Variants in NPSR1 observed in about 807,000 individuals in gnomAD.
NPSR1 encodes neuropeptide S receptor.
A neutral mutation model predicts 46.9 loss-of-function variants in NPSR1; 48 were observed. That is an observed-to-expected ratio of 1.02 (90% confidence interval 0.81 to 1.30). NPSR1 has a LOEUF of 1.30. NPSR1 is among the 50% of genes most tolerant of loss of function. The pLI is 0.00. For missense variants in NPSR1, 450 were observed against 449.5 expected, an observed-to-expected ratio of 1.00 and a Z score of -0.01; for synonymous variants, 176 against 168.1, an observed-to-expected ratio of 1.05 and a Z score of -0.36.
chr7:34,805,799 T>C (rs1332494902), intron 3 of NPSR1, among the ~76,000 whole-genome samples: 1 of 151,940 alleles, frequency 6.6e-6, no homozygotes, highest in Non-Finnish European at 1.5e-5. Flanking sequence ...TCATAAAGGA[T>C]TTGTATCCAA....
At chr7:34,735,325 C>T (rs1322493450) in intron 2 of NPSR1, among the ~76,000 whole-genome samples, 1 of 152,140 alleles carries the variant, frequency 6.6e-6, no homozygotes, top group African/African-American at 2.4e-5. Context: ...CAGAGATGAC[C>T]ATGCTGGAGA....
chr7:34,828,308 G>T (rs755742243), intron 5 of NPSR1, among the ~76,000 whole-genome samples: 2 of 152,234 alleles, frequency 1.3e-5, no homozygotes, highest in Non-Finnish European at 2.9e-5. Context: ...ACAGAAGTTG[G>T]CAGTGAGCTC....
chr7:34,750,973 C>T lies in NPSR1; in HGVS notation c.281-27489C>T, dbSNP rs1785491024. ...ATATCTGGAAGGAGACTATAGATTG[C>T]ATTGCCCTTGTGGAAGAGCTCATTG... On this transcript the variant is annotated intron_variant, in intron 2 of 8. Transcript: ENST00000360581. 3.9e-6 allele frequency: 3 copies of T among 765,836 alleles called. No individual in the cohort carries two copies. The South Asian group carries it at 4.0e-5, about 10-fold the overall frequency. The allele number at this position is 765,836 out of a possible 1,614,324, so 47.4% of individuals were successfully genotyped here.
At chr7:34,876,086 G>A (rs1791567692) in intron 8 of NPSR1, among the ~76,000 whole-genome samples, 1 of 152,198 alleles carries the variant, frequency 6.6e-6, no homozygotes, top group African/African-American at 2.4e-5. Context: ...AGATGAAGGG[G>A]CAAAAGACAG....
intron 2 of NPSR1, among the ~76,000 whole-genome samples, chr7:34,743,602 G>A (rs767410307): frequency 2.6e-5 from 4 of 152,062 alleles, no homozygotes; most frequent in Non-Finnish European, 4.4e-5. Flanking sequence ...ACCACGCCTG[G>A]CTAATTTTTG....
intron 3 of NPSR1, 82 bp from the exon 4 acceptor site, chr7:34,811,687 AT>A: frequency 1.1e-6 from 1 of 906,384 alleles, no homozygotes. Context: ...AGATTTCTAA[AT>A]AACACAAGGT....
chr7:34,741,372 T>C (rs532506632), intron 2 of NPSR1, among the ~76,000 whole-genome samples: 1 of 152,336 alleles, frequency 6.6e-6, no homozygotes, highest in East Asian at 1.9e-4. Context: ...GCATTTGATC[T>C]CTTTGATTTA....
At chr7:34,873,977 C>A (rs183726756) in intron 8 of NPSR1, among the ~76,000 whole-genome samples, 1 of 151,786 alleles carries the variant, frequency 6.6e-6, no homozygotes, top group South Asian at 2.1e-4. Flanking sequence ...GTTATAACAA[C>A]TCATACCTGT....
intron 2 of NPSR1, among the ~76,000 whole-genome samples, chr7:34,769,930 T>C (rs1053377106): frequency 6.6e-6 from 1 of 152,226 alleles, no homozygotes; most frequent in African/African-American, 2.4e-5. Flanking sequence ...AATTATCATT[T>C]AGGAGCAGTT....
At chr7:34,864,392 A>G (rs533823411) in intron 8 of NPSR1, among the ~76,000 whole-genome samples, 5 of 151,822 alleles carry the variant, frequency 3.3e-5, no homozygotes, top group South Asian at 4.1e-4. Context: ...AAAGAAAAAA[A>G]AAAGACACTC....
At chr7:34,691,698 G>T (rs1793271103) in intron 2 of NPSR1, among the ~76,000 whole-genome samples, 1 of 152,136 alleles carries the variant, frequency 6.6e-6, no homozygotes, top group African/African-American at 2.4e-5. Context: ...CAACACTGGA[G>T]AGCCCAGATT....
intron 6 of NPSR1, among the ~76,000 whole-genome samples, chr7:34,841,114 G>T (rs913489492): frequency 6.6e-6 from 1 of 152,144 alleles, no homozygotes; most frequent in Non-Finnish European, 1.5e-5. Context: ...CATACACAAA[G>T]TTTCTAATAT....
intron 7 of NPSR1, chr7:34,845,723 G>A (rs1790717398): frequency 5.4e-6 from 2 of 371,628 alleles, no homozygotes; most frequent in Non-Finnish European, 1.0e-5. Context: ...AATCTATGAG[G>A]GCAATGACTT....
chr7:34,843,796 G>C (rs1036887207), intron 6 of NPSR1, among the ~76,000 whole-genome samples: 2 of 152,240 alleles, frequency 1.3e-5, no homozygotes, highest in South Asian at 2.1e-4. Flanking sequence ...GAAGACAATG[G>C]AGCACAGCAG....
chr7:34,807,578 T>C (rs62462949), intron 3 of NPSR1, among the ~76,000 whole-genome samples: 18,685 of 152,218 alleles, frequency 0.12, 1,440 homozygotes, highest in Non-Finnish European at 0.17. Context: ...ATTTTTACTT[T>C]CTTGATATAC....
At chr7:34,709,621 C>T (rs749853967) in intron 2 of NPSR1, among the ~76,000 whole-genome samples, 4 of 152,138 alleles carry the variant, frequency 2.6e-5, no homozygotes, top group Non-Finnish European at 4.4e-5. Context: ...TTTTTCACAG[C>T]AATTGTCACA....
At chr7:34,769,465 G>C (rs1426621783) in intron 2 of NPSR1, among the ~76,000 whole-genome samples, 1 of 152,070 alleles carries the variant, frequency 6.6e-6, no homozygotes, top group Non-Finnish European at 1.5e-5. Flanking sequence ...CTTTTAATTG[G>C]CATGTGAGAC....
chr7:34,848,733 T>G (rs1338004274), intron 8 of NPSR1, 70 bp downstream of exon 8: 1 of 1,385,366 alleles, frequency 7.2e-7, no homozygotes, highest in Non-Finnish European at 1.0e-6. Context: ...AACATGTGGG[T>G]TTCTCATGTC....
chr7:34,701,916 TTTA>T (rs1274622264), intron 2 of NPSR1, among the ~76,000 whole-genome samples: 6 of 152,218 alleles, frequency 3.9e-5, no homozygotes, highest in African/African-American at 1.4e-4. Flanking sequence ...TGGTCTTTTC[TTTA>T]TTGAGTTGAT....
Sources: allele counts gnomAD v4.1 joint callset (sites outside exome capture counted in the v4.1 genomes callset), GRCh38; gene constraint gnomAD v4.1.1; transcripts MANE v1.5; gene names NCBI Gene and HGNC (gene_info 2026-07-23, HGNC 2026-07-21).